Variants in UVSSA observed in about 807,000 individuals in gnomAD.
UVSSA encodes UV stimulated scaffold protein A.
In UVSSA, 72 loss-of-function variants were observed where a neutral mutation model predicts 73.9. The ratio of observed to expected loss-of-function variants is 0.97; its 90% CI spans 0.81 to 1.19. UVSSA has a LOEUF of 1.19. Ranked by LOEUF, UVSSA falls within the 50% of genes most tolerant of loss-of-function variation. The probability of loss-of-function intolerance (pLI) is 0.00; values close to 1 mark genes in which losing one functional copy is unlikely to be tolerated. For synonymous variants in UVSSA, 454 were observed against 391.3 expected (o/e 1.16, Z -1.89); for missense variants, 1,150 against 965.0 (o/e 1.19, Z -2.54).
At chr4:1,384,180 C>T (rs1471080949) in intron 13 of UVSSA, 6 of 530,560 alleles carry the variant, frequency 1.1e-5, no homozygotes, top group Admixed American at 3.5e-5. Flanking sequence ...AAGAGGGGCT[C>T]GACCGCCAGG....
At chr4:1,366,111 A>G (rs1241979134) in intron 7 of UVSSA, 2 of 474,214 alleles carry the variant, frequency 4.2e-6, no homozygotes, top group African/African-American at 3.9e-5. Context: ...AGCCCCCAGC[A>G]CAGGGGCAGT....
intron 3 of UVSSA, 140 bp from the exon 4 acceptor site, chr4:1,351,575 G>C (rs1321027430): frequency 2.4e-5 from 20 of 835,504 alleles, no homozygotes; most frequent in Non-Finnish European, 7.0e-6. Flanking sequence ...ATTTTTAGTA[G>C]AGATGGGGTT....
At chr4:1,346,374 T>A (rs1426130364), upstream of UVSSA, among the ~76,000 whole-genome samples, 3 of 151,694 alleles carry the variant, frequency 2.0e-5, no homozygotes, top group African/African-American at 7.3e-5. Context: ...GCCCCGCGAG[T>A]GGGGTCCACA....
At position 1,366,310 on chromosome 4, in the gene UVSSA, T is replaced by C. The variant is rs1577335580; in HGVS notation, c.1177-10T>C. ...TGGGGGTTGATTTGTATTGGGGTGT[T>C]TTTCCACAGACAGAAGCCCTGGGGG... On this transcript the variant is annotated splice_polypyrimidine_tract_variant and intron_variant, in intron 7 of 13. Coordinates refer to ENST00000389851, the MANE Select transcript of UVSSA (RefSeq NM_020894.4). The C allele has an allele frequency of 6.2e-7, 1 of 1,605,032 alleles. No individual in the cohort carries two copies. Among genetic ancestry groups the C allele is most frequent in the Non-Finnish European group, 8.5e-7 (1 of 1,175,286 alleles).
At chr4:1,382,934 C>G (rs2109309160) in intron 12 of UVSSA, among the ~76,000 whole-genome samples, 1 of 152,308 alleles carries the variant, frequency 6.6e-6, no homozygotes, top group Non-Finnish European at 1.5e-5. Flanking sequence ...AGTCCCATGG[C>G]CATCACAGTC....
intron 3 of UVSSA, 78 bp downstream of exon 3, chr4:1,349,932 G>A (rs11247994): frequency 0.35 from 460,579 of 1,305,760 alleles, 86,675 homozygotes; most frequent in Non-Finnish European, 0.39. Flanking sequence ...GTGAAGATGC[G>A]CCTCCTGTTG....
At chr4:1,351,223 G>A (rs182705498) in intron 3 of UVSSA, among the ~76,000 whole-genome samples, 4,314 of 150,916 alleles carry the variant, frequency 0.029, 200 homozygotes, top group African/African-American at 0.097. Context: ...CCCCCACCAC[G>A]CCCGGCTAAT....
chr4:1,375,296 C>A lies in UVSSA; in HGVS notation c.1289-68C>A. ...AACGCATAGGCGCGTCCTAACTGCC[C>A]GGTCTTGCCTGATGTGCCTGGCGGG... is the stretch of plus-strand genomic sequence containing the variant. On this transcript the variant is annotated intron_variant, in intron 8 of 13. Coordinates refer to ENST00000389851, the MANE Select transcript of UVSSA (RefSeq NM_020894.4). The A allele has an allele frequency of 3.8e-6, 6 of 1,593,372 alleles. No individual in the cohort carries two copies. The South Asian group carries it at 6.8e-5, about 18-fold the overall frequency.
At chr4:1,379,618 A>C (rs1404936689) in intron 10 of UVSSA, among the ~76,000 whole-genome samples, 1 of 152,162 alleles carries the variant, frequency 6.6e-6, no homozygotes, top group African/African-American at 2.4e-5. Context: ...ACGTCCCTGC[A>C]GTGGAAGGAC....
chr4:1,354,145 C>T (rs1332300806), intron 5 of UVSSA, among the ~76,000 whole-genome samples: 2 of 152,262 alleles, frequency 1.3e-5, no homozygotes, highest in Non-Finnish European at 2.9e-5. Flanking sequence ...AACTGATCCT[C>T]GGGTCTCAGC....
chr4:1,359,866 G>A (rs114047450), intron 7 of UVSSA, among the ~76,000 whole-genome samples: 3,040 of 152,268 alleles, frequency 0.02, 111 homozygotes, highest in African/African-American at 0.068. Context: ...ACAGCCTCCC[G>A]GGGACCCTGT....
intron 10 of UVSSA, 75 bp downstream of exon 10, chr4:1,376,243 A>G (rs997305991): frequency 6.7e-6 from 10 of 1,493,384 alleles, no homozygotes; most frequent in Non-Finnish European, 9.0e-6. Context: ...CTGCCGGCTC[A>G]CCAGGCCTCC....
In UVSSA at chr4:1,380,946, G is replaced by T. The variant is rs746304201; in HGVS notation, c.1819G>T (p.Ala607Ser). The T allele has an allele frequency of 2.5e-6, 4 of 1,613,042 alleles. No homozygotes were observed. The highest frequency in any genetic ancestry group is 1.3e-5 in the African/African-American group (1 of 75,070). The change falls in exon 12 of 14, where the codon GCT (alanine) becomes TCT (serine). Residue 607 changes from alanine (A) to serine (S), a missense_variant. Physicochemically the swap from Ala to Ser is moderately conservative, Grantham distance 99. Coordinates refer to ENST00000389851, the MANE Select transcript of UVSSA (RefSeq NM_020894.4). ...ACGGCCGCTCGACCCGGAAGACAGG[G>T]CTCGTGAGCAGCGGCGGCAGCTGCA... ...EGRPLDPEDR[A>S]REQRRQLQKQ...
intron 7 of UVSSA, among the ~76,000 whole-genome samples, chr4:1,361,990 A>G (rs1716710481): frequency 6.6e-6 from 1 of 152,108 alleles, no homozygotes; most frequent in South Asian, 2.1e-4. Context: ...CCCCAGCTGT[A>G]TCTCCCAGCC....
chr4:1,368,274 C>T (rs1203610808), intron 8 of UVSSA, among the ~76,000 whole-genome samples: 1 of 152,270 alleles, frequency 6.6e-6, no homozygotes, highest in African/African-American at 2.4e-5. Flanking sequence ...GCTTCTGAAC[C>T]TTTTCAGCAG....
At position 1,394,671 on chromosome 4, in the gene UVSSA, C is replaced by T. The variant is rs148105783; in HGVS notation, c.*8710C>T. 1.2e-5 allele frequency: 19 copies of T among 1,587,598 alleles called. No homozygotes were observed. The highest frequency in any genetic ancestry group is 1.7e-4 in the Middle Eastern group (1 of 5,900). On this transcript the variant is annotated 3_prime_UTR_variant, in exon 14 of 14. Coordinates refer to the UVSSA transcript ENST00000511216. ...CTCACACATGCCCATGTGGAGTGCCCGCCTGCTCACACGTGCCCATGTGGA... is the reference window on the plus strand; with the variant it reads ...CTCACACATGCCCATGTGGAGTGCCTGCCTGCTCACACGTGCCCATGTGGA...
At chr4:1,374,554 G>T (rs73793390) in intron 8 of UVSSA, among the ~76,000 whole-genome samples, 2 of 152,132 alleles carry the variant, frequency 1.3e-5, no homozygotes, top group Non-Finnish European at 2.9e-5. Flanking sequence ...TGGTGGCCTC[G>T]TCCCTGTCAT....
At chr4:1,364,571 G>A (rs776258941) in intron 7 of UVSSA, among the ~76,000 whole-genome samples, 3 of 152,232 alleles carry the variant, frequency 2.0e-5, no homozygotes, top group African/African-American at 7.2e-5. Flanking sequence ...TAGAGATGCA[G>A]GTGTGTGTCA....
rs1229481768 is a variant in UVSSA at position 1,355,022 on chromosome 4, C to T, written c.1048-95C>T. The T allele has an allele frequency of 2.3e-5, 36 of 1,557,898 alleles. No homozygotes were observed. The East Asian group carries it at 7.6e-4, about 33-fold the overall frequency. On this transcript the variant is annotated intron_variant, in intron 6 of 13. Coordinates refer to ENST00000389851, the MANE Select transcript of UVSSA (RefSeq NM_020894.4). The stretch of plus-strand genomic sequence containing the variant: ...TGCATCCCAGGTGTGCCAGGGACCC[C>T]CCGGGCCAGTGGACCTGGCATGTGC...
Sources: allele counts gnomAD v4.1 joint callset (sites outside exome capture counted in the v4.1 genomes callset), GRCh38; gene constraint gnomAD v4.1.1; transcripts MANE v1.5; gene names NCBI Gene and HGNC (gene_info 2026-07-23, HGNC 2026-07-21).